The following LINGO2 variants were observed in gnomAD, a reference collection of about 807,000 sequenced individuals.
The protein encoded by LINGO2 is leucine rich repeat and Ig domain containing 2, also known as leucine-rich repeat and immunoglobulin-like domain-containing nogo receptor-interacting protein 2.
A neutral mutation model predicts 30.6 loss-of-function variants in LINGO2; 14 were observed. That is an observed-to-expected ratio of 0.46 (90% confidence interval 0.30 to 0.72). LINGO2 has a LOEUF of 0.72. LINGO2 is among the 30% of genes least tolerant of loss of function. The pLI, the probability that LINGO2 is intolerant of heterozygous loss-of-function variation, is 0.07. For missense variants in LINGO2, 729 were observed against 751.7 expected (o/e 0.97, Z 0.35); for synonymous variants, 317 against 288.5 (o/e 1.10, Z -1.00).
intron 4 of LINGO2, among the ~76,000 whole-genome samples, chr9:28,215,540 A>G (rs984556372): frequency 6.6e-6 from 1 of 151,900 alleles, no homozygotes; most frequent in African/African-American, 2.4e-5. Flanking sequence ...GAGCTGGAAG[A>G]GCAAGTGAAT....
intron 5 of LINGO2, among the ~76,000 whole-genome samples, chr9:27,995,701 T>C (rs923393408): frequency 1.6e-4 from 24 of 152,170 alleles, no homozygotes; most frequent in African/African-American, 5.3e-4. Context: ...AGTATAAATT[T>C]AGAAGTAATA....
At chr9:28,870,483 A>AT in the LINGO2 span, among the ~76,000 whole-genome samples, 1 of 152,020 alleles carries the variant, frequency 6.6e-6, no homozygotes, top group Non-Finnish European at 1.5e-5. Context: ...TACAGAGGTT[A>AT]TAGCTTCTAT....
intron 5 of LINGO2, among the ~76,000 whole-genome samples, chr9:27,994,683 C>A (rs892358215): frequency 6.6e-6 from 1 of 152,124 alleles, no homozygotes; most frequent in Non-Finnish European, 1.5e-5. Context: ...ACACAGGAAC[C>A]ATTCATATTC....
intron 2 of LINGO2, among the ~76,000 whole-genome samples, chr9:28,422,663 ACT>A (rs764612385): frequency 2.0e-5 from 3 of 152,068 alleles, no homozygotes; most frequent in Non-Finnish European, 4.4e-5. Context: ...TAGCAATTCT[ACT>A]CTGAGTATAT....
At chr9:28,797,359 T>TATAGAAAGAG in the LINGO2 span, among the ~76,000 whole-genome samples, 4 of 34,206 alleles carry the variant, frequency 1.2e-4, no homozygotes, top group Non-Finnish European at 2.2e-4. Flanking sequence ...TATATATATA[T>TATAGAAAGAG]AGAGAGAGAG....
the LINGO2 span, among the ~76,000 whole-genome samples, chr9:29,172,203 T>C: frequency 6.6e-6 from 1 of 151,934 alleles, no homozygotes; most frequent in Admixed American, 6.6e-5. Context: ...TTGATAGTTA[T>C]TCATTTTTAT....
intron 1 of LINGO2, among the ~76,000 whole-genome samples, chr9:28,530,556 C>T (rs1259951192): frequency 5.3e-5 from 8 of 152,052 alleles, no homozygotes; most frequent in African/African-American, 1.9e-4. Flanking sequence ...TTTCAAAGTG[C>T]ACATCCAAGA....
At chr9:28,201,121 C>T (rs1028374523) in intron 4 of LINGO2, among the ~76,000 whole-genome samples, 1 of 149,736 alleles carries the variant, frequency 6.7e-6, no homozygotes, top group Non-Finnish European at 1.5e-5. Flanking sequence ...TACATGTGCA[C>T]ATTGTGCAGG....
intron 3 of LINGO2, among the ~76,000 whole-genome samples, chr9:28,307,856 A>G (rs1486248089): frequency 6.6e-6 from 1 of 152,188 alleles, no homozygotes; most frequent in Non-Finnish European, 1.5e-5. Flanking sequence ...TAAAATACCT[A>G]GAAATCCAAC....
At chr9:29,133,788 G>A in the LINGO2 span, among the ~76,000 whole-genome samples, 1 of 151,974 alleles carries the variant, frequency 6.6e-6, no homozygotes, top group African/African-American at 2.4e-5. Context: ...ACATAAATAG[G>A]TGTTTTTGTT....
the LINGO2 span, among the ~76,000 whole-genome samples, chr9:28,851,479 G>A: frequency 6.6e-6 from 1 of 151,946 alleles, no homozygotes; most frequent in East Asian, 1.9e-4. Context: ...CCTATTTTAA[G>A]GTCAGCCCTA....
the LINGO2 span, among the ~76,000 whole-genome samples, chr9:28,804,378 G>C: frequency 6.6e-6 from 1 of 151,968 alleles, no homozygotes; most frequent in South Asian, 2.1e-4. Context: ...TGTTAATTAG[G>C]TACTGTTGAA....
intron 5 of LINGO2, among the ~76,000 whole-genome samples, chr9:28,002,519 T>C (rs774599464): frequency 6.6e-6 from 1 of 152,188 alleles, no homozygotes; most frequent in Non-Finnish European, 1.5e-5. Context: ...CTGTTTATAT[T>C]CTTATATATT....
At chr9:29,088,973 C>T in the LINGO2 span, among the ~76,000 whole-genome samples, 296 of 152,104 alleles carry the variant, frequency 1.9e-3, no homozygotes, top group Admixed American at 4.3e-3. Flanking sequence ...TTCTTCTCTA[C>T]GTGTGCTAAC....
intron 2 of LINGO2, among the ~76,000 whole-genome samples, chr9:28,438,083 A>G (rs1405873243): frequency 6.6e-6 from 1 of 152,158 alleles, no homozygotes; most frequent in Admixed American, 6.5e-5. Flanking sequence ...CCAAAGGCCT[A>G]GGGCTTTCAT....
At chr9:29,146,070 T>C in the LINGO2 span, among the ~76,000 whole-genome samples, 7 of 152,202 alleles carry the variant, frequency 4.6e-5, no homozygotes, top group Non-Finnish European at 1.0e-4. Flanking sequence ...TTATCAATTT[T>C]TTATACTTCT....
intron 1 of LINGO2, among the ~76,000 whole-genome samples, chr9:28,598,343 T>G (rs1587936073): frequency 7.3e-6 from 1 of 137,160 alleles, no homozygotes; most frequent in African/African-American, 2.7e-5. Context: ...TTGAGAAAAA[T>G]AAATAGCTCA....
chr9:28,879,739 C>T, the LINGO2 span, among the ~76,000 whole-genome samples: 26 of 152,132 alleles, frequency 1.7e-4, no homozygotes, highest in African/African-American at 6.0e-4. Flanking sequence ...TTGACTTTAA[C>T]ATCACCACTG....
the LINGO2 span, among the ~76,000 whole-genome samples, chr9:28,884,503 C>G: frequency 6.6e-6 from 1 of 151,854 alleles, no homozygotes; most frequent in African/African-American, 2.4e-5. Context: ...AAATAATTAT[C>G]TAAAAAGAGC....
Sources: gnomAD v4.1 joint callset for allele counts (sites outside exome capture counted in the v4.1 genomes callset) on GRCh38, gnomAD v4.1.1 for gene constraint, MANE v1.5 for transcripts, NCBI Gene and HGNC (gene_info 2026-07-23, HGNC 2026-07-21) for gene names.